The following GORAB variants were observed in gnomAD, a reference collection of about 807,000 sequenced individuals.
GORAB encodes the protein golgin, RAB6 interacting.
Under a neutral mutation model 29.9 loss-of-function variants are expected in GORAB, and 17 were observed. That is an observed-to-expected ratio of 0.57 (90% confidence interval 0.39 to 0.85). The LOEUF is 0.85. Among genes scored for constraint, GORAB ranks in the 40% least tolerant of loss-of-function variants. The pLI, the probability that GORAB is intolerant of heterozygous loss-of-function variation, is 0.00. For synonymous variants in GORAB, 183 were observed against 157.2 expected (o/e 1.16, Z -1.23); for missense variants, 442 against 437.8 (o/e 1.01, Z -0.09).
intron 3 of GORAB, among the ~76,000 whole-genome samples, chr1:170,544,484 T>C (rs1382326809): frequency 6.6e-6 from 1 of 152,236 alleles, no homozygotes; most frequent in Non-Finnish European, 1.5e-5. Context: ...GCTGAGTTTT[T>C]TTAGACTTAT....
chr1:170,537,303 T>C (rs938116379), intron 1 of GORAB, among the ~76,000 whole-genome samples: 1 of 152,202 alleles, frequency 6.6e-6, no homozygotes, highest in Admixed American at 6.5e-5. Context: ...AGAAGTGTTA[T>C]GTCACTACTG....
rs1188900818 is a variant in GORAB at position 170,552,686 on chromosome 1, G to A, written c.*224G>A. The A allele has an allele frequency of 5.1e-6, 3 of 587,514 alleles. No homozygotes were observed. The highest frequency in any genetic ancestry group is 2.1e-5 in the Admixed American group (1 of 46,600). The allele number at this position is 587,514 out of a possible 1,614,324, so 36.4% of individuals were successfully genotyped here. On this transcript the variant is annotated 3_prime_UTR_variant, in exon 5 of 5. Transcript: ENST00000367763. Reference sequence around the variant, plus strand: ...TTGATTTTGGCCCGGTTCTTTCAGTGTTCCGTTTACCCTTTTTACTGAAAG... The same window carrying A: ...TTGATTTTGGCCCGGTTCTTTCAGTATTCCGTTTACCCTTTTTACTGAAAG...
chr1:170,542,125 C>T (rs1649470746), intron 2 of GORAB, among the ~76,000 whole-genome samples: 1 of 152,120 alleles, frequency 6.6e-6, no homozygotes, highest in Non-Finnish European at 1.5e-5. Flanking sequence ...CAGCTACAAA[C>T]CAATTTTTAT....
chr1:170,546,581 T>C (rs1649777297), intron 4 of GORAB, among the ~76,000 whole-genome samples: 1 of 152,216 alleles, frequency 6.6e-6, no homozygotes. Context: ...AATGAAATTT[T>C]AGTAAATTTT....
chr1:170,533,601 C>G (rs1284346149), intron 1 of GORAB: 2 of 452,146 alleles, frequency 4.4e-6, no homozygotes, highest in Admixed American at 4.7e-5. Flanking sequence ...TTGGATGGAG[C>G]TTGGGAAGAT....
rs777465568 is a variant in GORAB at position 170,552,302 on chromosome 1, G to A, written c.950G>A (p.Ser317Asn). ...AGGCCATTTCAGCCTGCGGAGGAGA[G>A]TGTGACATTAGAATTTGCTAAAGAG... ...LERPFQPAEE[S>N]VTLEFAKENR... Residue 317 changes from serine (S) to asparagine (N), a missense_variant, in exon 5 of 5, where the codon AGT becomes AAT. Coordinates refer to ENST00000367763, the MANE Select transcript of GORAB (RefSeq NM_152281.3). 1 of 1,614,152 alleles carries A rather than the reference G, an allele frequency of 6.2e-7. No individual in the cohort carries two copies. Among genetic ancestry groups the A allele is most frequent in the Admixed American group, 1.7e-5 (1 of 60,018 alleles).
chr1:170,548,348 C>CGT (rs1649887459), intron 4 of GORAB, among the ~76,000 whole-genome samples: 1 of 152,214 alleles, frequency 6.6e-6, no homozygotes, highest in South Asian at 2.1e-4. Context: ...GGAATAAACT[C>CGT]CTCAAAACCT....
At chr1:170,539,735 TA>T in intron 2 of GORAB, 168 bp downstream of exon 2, 1 of 696,858 alleles carries the variant, frequency 1.4e-6, no homozygotes, top group Non-Finnish European at 2.3e-6. Context: ...ACTGCCTAAA[TA>T]TAAGCTGGAC....
At chr1:170,551,326 C>G (rs1206835523) in intron 4 of GORAB, among the ~76,000 whole-genome samples, 1 of 152,202 alleles carries the variant, frequency 6.6e-6, no homozygotes, top group Non-Finnish European at 1.5e-5. Flanking sequence ...TTGAGAAATC[C>G]TGCATATAGC....
chr1:170,553,618 A>G lies in GORAB; in HGVS notation c.*1156A>G, dbSNP rs763996087. 2.2e-6 allele frequency: 1 copy of G among 452,974 alleles called. No homozygotes were observed. The allele number at this position is 452,974 out of a possible 1,614,324, so 28.1% of individuals were successfully genotyped here. ...AAACTTAGGGACATCCTGTTTTTAAATGGGTTTGTTTGAGGGTATTATCTT... is the reference window on the plus strand; with the variant it reads ...AAACTTAGGGACATCCTGTTTTTAAGTGGGTTTGTTTGAGGGTATTATCTT... On this transcript the variant is annotated 3_prime_UTR_variant, in exon 5 of 5. Coordinates refer to ENST00000367763, the MANE Select transcript of GORAB (RefSeq NM_152281.3).
intron 4 of GORAB, among the ~76,000 whole-genome samples, chr1:170,550,237 G>T (rs768925002): frequency 1.3e-5 from 2 of 152,134 alleles, no homozygotes; most frequent in African/African-American, 4.8e-5. Flanking sequence ...AGTGGTTCAC[G>T]GCATGGCCTG....
At position 170,532,239 on chromosome 1, in the gene GORAB, G is replaced by A; in HGVS notation, c.16G>A (p.Ala6Thr). MAQGW[A>T]GFSEEELRRL... ...GCCCGGGCCGATGGCGCAAGGTTGG[G>A]CAGGATTCTCTGAGGAGGAACTGAG... is the stretch of plus-strand genomic sequence containing the variant. Residue 6 changes from alanine (A) to threonine (T), a missense_variant, in exon 1 of 5, where the codon GCA (alanine) becomes ACA (threonine). Ala to Thr is a moderately conservative substitution (Grantham distance 58). Transcript: ENST00000367763. The A allele has an allele frequency of 1.2e-6, 2 of 1,614,138 alleles. No homozygotes were observed. Among genetic ancestry groups the A allele is most frequent in the Non-Finnish European group, 1.7e-6 (2 of 1,180,014 alleles).
chr1:170,552,746 G>A lies in GORAB; in HGVS notation c.*284G>A, dbSNP rs1391194610. 2.0e-6 allele frequency: 1 copy of A among 497,228 alleles called. No homozygotes were observed. The highest frequency in any genetic ancestry group is 1.9e-5 in the African/African-American group (1 of 51,758). 30.8% of individuals were successfully genotyped at this position (497,228 alleles called of 1,614,324 possible). The stretch of plus-strand genomic sequence containing the variant: ...TAAAAGGATGGAAGAAAAACTACAT[G>A]GTTGGAGTGTTTTTAGATCAGATAA... On this transcript the variant is annotated 3_prime_UTR_variant, in exon 5 of 5. Coordinates refer to ENST00000367763, the MANE Select transcript of GORAB (RefSeq NM_152281.3).
chr1:170,536,465 G>C (rs1050705552), intron 1 of GORAB: 2 of 152,152 alleles, frequency 1.3e-5, no homozygotes, highest in African/African-American at 4.8e-5. Context: ...TAAAACATCT[G>C]ACAGTATCGT....
In GORAB at chr1:170,553,679, T is replaced by C. The variant is rs77280970; in HGVS notation, c.*1217T>C. 1.1e-3 allele frequency: 481 copies of C among 450,350 alleles called. 5 individuals are homozygous for C. In the East Asian group the frequency reaches 0.025, roughly 23 times the overall value. The allele number at this position is 450,350 out of a possible 1,614,324, so 27.9% of individuals were successfully genotyped here. On this transcript the variant is annotated 3_prime_UTR_variant, in exon 5 of 5. Transcript: ENST00000367763. ...AGATGAGCTTTATATTTTTATATTA[T>C]GTAATTTGAGTTGAAAGTATAACAT...
intron 1 of GORAB, among the ~76,000 whole-genome samples, chr1:170,538,086 G>C (rs1558003408): frequency 6.6e-6 from 1 of 152,098 alleles, no homozygotes; most frequent in Non-Finnish European, 1.5e-5. Context: ...AATATTTTCT[G>C]TACATATCTC....
At chr1:170,535,726 T>C (rs1649020099) in intron 1 of GORAB, among the ~76,000 whole-genome samples, 1 of 151,980 alleles carries the variant, frequency 6.6e-6, no homozygotes, top group African/African-American at 2.4e-5. Flanking sequence ...CTTTCTTTCT[T>C]CTTTTTTTTT....
chr1:170,533,751 G>A, intron 1 of GORAB: 2 of 326,204 alleles, frequency 6.1e-6, no homozygotes, highest in South Asian at 4.7e-5. Flanking sequence ...ATAGAGGATG[G>A]TGAGGACCTG....
chr1:170,541,349 T>C (rs765379904), intron 2 of GORAB, among the ~76,000 whole-genome samples: 3 of 152,050 alleles, frequency 2.0e-5, no homozygotes, highest in Non-Finnish European at 4.4e-5. Context: ...TGCAGCAAGT[T>C]ACCATGAAGC....
Sources: gnomAD v4.1 joint callset for allele counts (sites outside exome capture counted in the v4.1 genomes callset) on GRCh38, gnomAD v4.1.1 for gene constraint, MANE v1.5 for transcripts, NCBI Gene and HGNC (gene_info 2026-07-23, HGNC 2026-07-21) for gene names.